Variants in OOSP4B observed in about 807,000 individuals in gnomAD.
OOSP4B encodes the protein oocyte secreted protein family member 4B, also known as oocyte-secreted protein 4B.
At chr11:60,025,280 T>A (rs527478064) in intron 3 of OOSP4B, among the ~76,000 whole-genome samples, 1 of 152,334 alleles carries the variant, frequency 6.6e-6, no homozygotes, top group South Asian at 2.1e-4. Flanking sequence ...AGTACACTTT[T>A]CCCTAAGTGC....
intron 2 of OOSP4B, 25 bp downstream of exon 2, chr11:60,024,086 A>G: frequency 2.5e-6 from 1 of 398,482 alleles, no homozygotes; most frequent in Non-Finnish European, 4.4e-6. Flanking sequence ...GCTTTTCCCT[A>G]AAACATATAC....
intron 3 of OOSP4B, among the ~76,000 whole-genome samples, chr11:60,029,123 A>G (rs1290351960): frequency 6.6e-6 from 1 of 152,260 alleles, no homozygotes; most frequent in Non-Finnish European, 1.5e-5. Flanking sequence ...GAGATATAGA[A>G]AATTTGAATG....
At chr11:60,021,081 C>T (rs1854686860) in intron 1 of OOSP4B, among the ~76,000 whole-genome samples, 2 of 152,208 alleles carry the variant, frequency 1.3e-5, no homozygotes, top group African/African-American at 4.8e-5. Context: ...AGAAATCTGG[C>T]CTCTCATCTA....
At chr11:60,017,500 T>C in intron 1 of OOSP4B, 87 bp downstream of exon 1, 1 of 398,438 alleles carries the variant, frequency 2.5e-6, no homozygotes. Context: ...GAGGTGGTGA[T>C]TTAAACTGAT....
intron 3 of OOSP4B, 149 bp from the exon 4 acceptor site, chr11:60,029,633 T>G (rs1237355154): frequency 2.3e-5 from 9 of 393,286 alleles, no homozygotes; most frequent in Non-Finnish European, 4.0e-5. Context: ...AACTCTTTAT[T>G]TAGATTTACT....
At chr11:60,023,649 G>T (rs971819738) in intron 1 of OOSP4B, among the ~76,000 whole-genome samples, 1 of 152,142 alleles carries the variant, frequency 6.6e-6, no homozygotes, top group Non-Finnish European at 1.5e-5. Flanking sequence ...GGCCAGGCTG[G>T]TCTTGAACTC....
At chr11:60,025,834 G>T (rs1307081336) in intron 3 of OOSP4B, among the ~76,000 whole-genome samples, 1 of 152,160 alleles carries the variant, frequency 6.6e-6, no homozygotes, top group African/African-American at 2.4e-5. Flanking sequence ...CCAAAATAAG[G>T]TGTCCTTTTT....
intron 3 of OOSP4B, among the ~76,000 whole-genome samples, chr11:60,028,386 G>A (rs534759369): frequency 2.4e-4 from 36 of 151,964 alleles, no homozygotes; most frequent in Admixed American, 1.7e-3. Context: ...GGCTCGTCTC[G>A]AACTCCTGAC....
chr11:60,025,158 A>G (rs771652382), intron 3 of OOSP4B, among the ~76,000 whole-genome samples, 153 bp downstream of exon 3: 17 of 152,222 alleles, frequency 1.1e-4, no homozygotes, highest in Non-Finnish European at 1.8e-4. Flanking sequence ...GTTCAAATGT[A>G]CAGAATTGAA....
intron 3 of OOSP4B, among the ~76,000 whole-genome samples, chr11:60,027,463 G>T (rs1035461437): frequency 2.6e-5 from 4 of 151,782 alleles, no homozygotes; most frequent in Admixed American, 2.6e-4. Context: ...GAGAAAATAT[G>T]TTTGTTCTTC....
chr11:60,017,350 G>A, exon 1 of OOSP4B: 1 of 398,664 alleles, frequency 2.5e-6, no homozygotes, highest in Non-Finnish European at 4.4e-6. Context: ...CCAGCTCCTT[G>A]CCATTTCTTG....
chr11:60,024,301 A>G (rs1854723561), intron 2 of OOSP4B, among the ~76,000 whole-genome samples: 1 of 152,184 alleles, frequency 6.6e-6, no homozygotes, highest in Admixed American at 6.5e-5. Flanking sequence ...CCACTTTGGG[A>G]GGCTGGGGTG....
intron 3 of OOSP4B, among the ~76,000 whole-genome samples, chr11:60,025,673 G>T (rs1854740971): frequency 6.6e-6 from 1 of 152,110 alleles, no homozygotes; most frequent in African/African-American, 2.4e-5. Context: ...GACTTGTGCT[G>T]TTTTCAGTCT....
chr11:60,022,588 G>C (rs1158654571), intron 1 of OOSP4B, among the ~76,000 whole-genome samples: 7 of 152,166 alleles, frequency 4.6e-5, no homozygotes, highest in Non-Finnish European at 1.0e-4. Context: ...ACATTTTACG[G>C]AAGACAGAGT....
chr11:60,017,399 C>G, exon 1 of OOSP4B: 3 of 398,614 alleles, frequency 7.5e-6, no homozygotes, highest in Non-Finnish European at 4.4e-6. Flanking sequence ...GCAATGAAGA[C>G]CTCTGTGCTC....
intron 1 of OOSP4B, among the ~76,000 whole-genome samples, chr11:60,020,315 G>C (rs1194555164): frequency 2.6e-5 from 4 of 152,152 alleles, no homozygotes; most frequent in Non-Finnish European, 5.9e-5. Flanking sequence ...GGGGGCCCCC[G>C]CTTGTTGGGG....
intron 4 of OOSP4B, 145 bp from the exon 5 acceptor site, chr11:60,030,657 C>T (rs942442722): frequency 2.5e-6 from 1 of 394,204 alleles, no homozygotes; most frequent in African/African-American, 2.1e-5. Context: ...TGGTTAGTTC[C>T]ATAGATTACA....
intron 1 of OOSP4B, among the ~76,000 whole-genome samples, chr11:60,017,789 G>C (rs1441421476): frequency 1.3e-5 from 2 of 152,132 alleles, no homozygotes; most frequent in East Asian, 3.9e-4. Context: ...GGGAAAGGAA[G>C]GACTACCTTA....
At chr11:60,021,711 A>C (rs185819070) in intron 1 of OOSP4B, 1 of 152,342 alleles carries the variant, frequency 6.6e-6, no homozygotes, top group Non-Finnish European at 1.5e-5. Flanking sequence ...GCCGGGTGCC[A>C]TGGCTCACGC....
Sources: allele counts gnomAD v4.1 joint callset (sites outside exome capture counted in the v4.1 genomes callset), GRCh38; gene constraint gnomAD v4.1.1; transcripts MANE v1.5; gene names NCBI Gene and HGNC (gene_info 2026-07-23, HGNC 2026-07-21).